Variants in RAP1A observed in about 807,000 individuals in gnomAD.
RAP1A encodes ras-related protein Rap-1A.
Under a neutral mutation model 26.4 loss-of-function variants are expected in RAP1A, and 6 were observed. The observed-to-expected ratio is 0.23, with a 90% CI of 0.12 to 0.45. The LOEUF (loss-of-function observed/expected upper bound fraction) is 0.45. Among genes scored for constraint, RAP1A ranks in the 20% least tolerant of loss-of-function variants. RAP1A has a pLI of 0.99. For missense variants in RAP1A, 121 were observed against 217.2 expected, an observed-to-expected ratio of 0.56 and a Z score of 2.78; for synonymous variants, 73 against 79.4, an observed-to-expected ratio of 0.92 and a Z score of 0.43.
At chr1:111,542,154 T>C, upstream of RAP1A, 1 of 373,254 alleles carries the variant, frequency 2.7e-6, no homozygotes, top group South Asian at 2.2e-5. Context: ...ATGTTTTTAA[T>C]TGAGTAGATG....
chr1:111,691,512 G>T, intron 2 of RAP1A, 95 bp downstream of exon 2: 1 of 1,141,896 alleles, frequency 8.8e-7, no homozygotes, highest in Non-Finnish European at 1.3e-6. Flanking sequence ...AAGAGAAAAG[G>T]TGGCATTATT....
intron 1 of RAP1A, among the ~76,000 whole-genome samples, chr1:111,576,656 C>T (rs1283077281): frequency 1.3e-5 from 2 of 152,100 alleles, no homozygotes; most frequent in Non-Finnish European, 2.9e-5. Flanking sequence ...GAGGGAGGAA[C>T]GTGTGGGTGT....
intron 1 of RAP1A, among the ~76,000 whole-genome samples, chr1:111,595,070 A>G (rs1658542183): frequency 1.3e-5 from 2 of 152,232 alleles, no homozygotes; most frequent in Admixed American, 6.5e-5. Context: ...AAATTATGCA[A>G]CCATCATTAT....
At chr1:111,561,406 G>A (rs1030709795) in intron 1 of RAP1A, among the ~76,000 whole-genome samples, 3 of 152,214 alleles carry the variant, frequency 2.0e-5, no homozygotes, top group Non-Finnish European at 1.5e-5. Context: ...ACAGGCGTGA[G>A]CCACCGTGCC....
intron 1 of RAP1A, among the ~76,000 whole-genome samples, chr1:111,557,047 C>T (rs1657521542): frequency 6.6e-6 from 1 of 151,988 alleles, no homozygotes. Flanking sequence ...AAATACATAT[C>T]TAGACACTTT....
At chr1:111,702,801 AC>A (rs1291277003) in intron 4 of RAP1A, among the ~76,000 whole-genome samples, 2 of 152,110 alleles carry the variant, frequency 1.3e-5, no homozygotes, top group African/African-American at 4.8e-5. Flanking sequence ...CTGGGGTGAT[AC>A]ACCTGCCTTG....
At chr1:111,580,375 T>A (rs1658231342) in intron 1 of RAP1A, among the ~76,000 whole-genome samples, 1 of 151,976 alleles carries the variant, frequency 6.6e-6, no homozygotes. Context: ...GAAGAGGAGA[T>A]GAGGATAATA....
intron 1 of RAP1A, among the ~76,000 whole-genome samples, chr1:111,601,151 T>A (rs1214316853): frequency 6.6e-6 from 1 of 152,232 alleles, no homozygotes; most frequent in African/African-American, 2.4e-5. Context: ...ACGCATTCAT[T>A]AACCTCGATG....
intron 3 of RAP1A, 28 bp downstream of exon 3, chr1:111,695,437 C>T (rs200374447): frequency 3.2e-4 from 455 of 1,428,278 alleles, no homozygotes; most frequent in Admixed American, 3.3e-4. Context: ...TACACACATG[C>T]TTACAAGTAG....
intron 2 of RAP1A, among the ~76,000 whole-genome samples, chr1:111,693,409 T>A (rs1241824792): frequency 1.3e-5 from 2 of 152,086 alleles, no homozygotes; most frequent in Non-Finnish European, 2.9e-5. Flanking sequence ...AAAGCATATT[T>A]GTATGCTGGG....
At chr1:111,598,982 G>A (rs966384545) in intron 1 of RAP1A, among the ~76,000 whole-genome samples, 4 of 151,998 alleles carry the variant, frequency 2.6e-5, no homozygotes, top group South Asian at 2.1e-4. Context: ...AAACACTTAC[G>A]TTTAACTGGT....
upstream of RAP1A, chr1:111,619,719 T>C: frequency 2.5e-6 from 1 of 393,144 alleles, no homozygotes; most frequent in Non-Finnish European, 4.5e-6. Context: ...ATCGCCAACT[T>C]GGAGGGGCGG....
intron 7 of RAP1A, among the ~76,000 whole-genome samples, chr1:111,711,085 C>G (rs1269958954): frequency 6.6e-6 from 1 of 152,202 alleles, no homozygotes; most frequent in African/African-American, 2.4e-5. Context: ...GATCCACCTG[C>G]CTCGACCTCC....
intron 1 of RAP1A, among the ~76,000 whole-genome samples, chr1:111,562,773 T>C (rs547266184): frequency 2.0e-5 from 3 of 152,244 alleles, no homozygotes; most frequent in Non-Finnish European, 4.4e-5. Flanking sequence ...TTCCTCTTGA[T>C]AGGCTGGAAG....
At chr1:111,679,446 G>A (rs1661226869) in intron 1 of RAP1A, among the ~76,000 whole-genome samples, 1 of 152,202 alleles carries the variant, frequency 6.6e-6, no homozygotes, top group South Asian at 2.1e-4. Context: ...TGGGGTTTCA[G>A]GCACAAAACT....
chr1:111,695,872 C>A (rs1426235015), intron 3 of RAP1A, among the ~76,000 whole-genome samples: 1 of 152,126 alleles, frequency 6.6e-6, no homozygotes, highest in African/African-American at 2.4e-5. Context: ...TTTGTCAAAA[C>A]CCATAGAATG....
chr1:111,548,417 T>C (rs1421578210), intron 1 of RAP1A, among the ~76,000 whole-genome samples: 8 of 152,252 alleles, frequency 5.3e-5, no homozygotes, highest in Non-Finnish European at 1.2e-4. Context: ...GTTATAATCC[T>C]TTAAAGAAAT....
chr1:111,619,541 A>T (rs1571501103), upstream of RAP1A, among the ~76,000 whole-genome samples: 1 of 151,758 alleles, frequency 6.6e-6, no homozygotes, highest in African/African-American at 2.4e-5. Flanking sequence ...GAATCTTTGG[A>T]CCCTTCCTCA....
chr1:111,558,391 T>G (rs1432712071), intron 1 of RAP1A, among the ~76,000 whole-genome samples: 1 of 152,036 alleles, frequency 6.6e-6, no homozygotes, highest in Non-Finnish European at 1.5e-5. Flanking sequence ...TTTGCCATGT[T>G]GCCCAAGCTG....
Sources: gnomAD v4.1 joint callset for allele counts (sites outside exome capture counted in the v4.1 genomes callset) on GRCh38, gnomAD v4.1.1 for gene constraint, MANE v1.5 for transcripts, NCBI Gene and HGNC (gene_info 2026-07-23, HGNC 2026-07-21) for gene names.